The following ALG5 variants were observed in gnomAD, a reference collection of about 807,000 sequenced individuals.
The protein encoded by ALG5 is dolichyl-phosphate beta-glucosyltransferase.
Under a neutral mutation model 51.8 loss-of-function variants are expected in ALG5, and 26 were observed. That is an observed-to-expected ratio of 0.50 (90% CI 0.37 to 0.70). The LOEUF is 0.70. Ranked by LOEUF, ALG5 falls within the 30% of genes least tolerant of loss-of-function variation. The probability of loss-of-function intolerance (pLI) is 0.00; values close to 1 mark genes in which losing one functional copy is unlikely to be tolerated. For missense variants in ALG5, 311 were observed against 399.3 expected, an observed-to-expected ratio of 0.78 and a Z score of 1.88; for synonymous variants, 141 against 136.1, an observed-to-expected ratio of 1.04 and a Z score of -0.25.
At chr13:36,972,132 TTAAAAAAGTTGACA>T in intron 6 of ALG5, 96 bp from the exon 7 acceptor site, 1 of 1,030,300 alleles carries the variant, frequency 9.7e-7, no homozygotes, top group Non-Finnish European at 1.4e-6. Flanking sequence ...GAAACTGATT[TTAAAAAAGTTGACA>T]TTAAAAATCT....
At chr13:36,963,376 A>G (rs547457530) in intron 8 of ALG5, among the ~76,000 whole-genome samples, 10 of 152,346 alleles carry the variant, frequency 6.6e-5, no homozygotes, top group Non-Finnish European at 1.3e-4. Context: ...TAAGTTATCA[A>G]TCCTAACCTT....
intron 6 of ALG5, among the ~76,000 whole-genome samples, chr13:36,978,524 A>C (rs2058964700): frequency 6.6e-6 from 1 of 152,102 alleles, no homozygotes; most frequent in Admixed American, 6.5e-5. Context: ...CACACAATTT[A>C]CTGGAGAAAA....
At chr13:36,951,271 T>C (rs2058816820) in intron 9 of ALG5, among the ~76,000 whole-genome samples, 1 of 152,222 alleles carries the variant, frequency 6.6e-6, no homozygotes, top group Admixed American at 6.5e-5. Context: ...AAGTTGATCA[T>C]GATACCCCTG....
intron 8 of ALG5, among the ~76,000 whole-genome samples, chr13:36,957,674 C>T (rs140435066): frequency 2.0e-5 from 3 of 152,160 alleles, no homozygotes; most frequent in South Asian, 2.1e-4. Context: ...CCCCAAAAAG[C>T]GGGACTTAGC....
chr13:36,993,439 G>A (rs1448764691), intron 4 of ALG5, among the ~76,000 whole-genome samples, 165 bp downstream of exon 4: 1 of 152,180 alleles, frequency 6.6e-6, no homozygotes, highest in Non-Finnish European at 1.5e-5. Flanking sequence ...GTCTTATGGA[G>A]AAGTTCCATA....
intron 7 of ALG5, 24 bp downstream of exon 7, chr13:36,971,953 C>T (rs1156497068): frequency 6.3e-6 from 10 of 1,581,428 alleles, no homozygotes; most frequent in Non-Finnish European, 7.8e-6. Context: ...ATTGGCTGTC[C>T]CATGCCAATT....
At position 36,989,534 on chromosome 13, in the gene ALG5, G is replaced by T; in HGVS notation, c.397C>A (p.Arg133Ser). ...CGATTCTTCACCAGGGTTATCACAC[G>T]TACTTTGTCACTTCCATATTTCTGG... ...YCQKYGSDKV[R>S]VITLVKNRGK... is the part of the protein sequence containing the mutation. Residue 133 changes from arginine to serine, a missense_variant, in exon 5 of 10, where the codon CGT becomes AGT. Transcript: ENST00000239891. 1 of 1,612,666 alleles carries T rather than the reference G, an allele frequency of 6.2e-7. No homozygotes were observed. The highest frequency in any genetic ancestry group is 8.5e-7 in the Non-Finnish European group (1 of 1,179,198).
At chr13:36,990,321 T>C (rs1293729973) in intron 4 of ALG5, among the ~76,000 whole-genome samples, 1 of 152,240 alleles carries the variant, frequency 6.6e-6, no homozygotes, top group African/African-American at 2.4e-5. Flanking sequence ...CCCGTTTCCT[T>C]GTAACCTTAG....
At chr13:36,981,162 C>G (rs2058977624) in intron 6 of ALG5, among the ~76,000 whole-genome samples, 2 of 151,784 alleles carry the variant, frequency 1.3e-5, no homozygotes, top group South Asian at 4.2e-4. Context: ...ATCATCAGAA[C>G]CAGAACATGT....
At chr13:36,955,686 G>GAAAAAAAAAAAAAAAAAAAAAAAAAA (rs35130767) in intron 8 of ALG5, among the ~76,000 whole-genome samples, 3 of 36,496 alleles carry the variant, frequency 8.2e-5, no homozygotes, top group Non-Finnish European at 2.1e-4. Flanking sequence ...CAGAGATTGT[G>GAAAAAAAAAAAAAAAAAAAAAAAAAA]AAAAAAAAAA....
Position 36,998,943 on chromosome 13 carries a change from G to T in ALG5, c.66+292C>A, listed in dbSNP as rs2059067732. On this transcript the variant is annotated intron_variant, in intron 1 of 9. Coordinates refer to ENST00000239891, the MANE Select transcript of ALG5 (RefSeq NM_013338.5). ...GAGGAGGTGGGTAGGGGGCGCGGGCGCCAGGGGCGATGGAAGCGGCGATGA... is the reference window on the plus strand; with the variant it reads ...GAGGAGGTGGGTAGGGGGCGCGGGCTCCAGGGGCGATGGAAGCGGCGATGA... 5 of 314,456 alleles carry T rather than the reference G, an allele frequency of 1.6e-5. No individual in the cohort carries two copies. The South Asian group carries it at 5.0e-4, about 32-fold the overall frequency. The allele number at this position is 314,456 out of a possible 1,614,324, so 19.5% of individuals were successfully genotyped here.
chr13:36,981,638 G>A (rs1057067663), intron 6 of ALG5, among the ~76,000 whole-genome samples: 6 of 152,140 alleles, frequency 3.9e-5, no homozygotes, highest in African/African-American at 1.4e-4. Flanking sequence ...ATCCACACCA[G>A]TATAGAGATG....
chr13:36,962,318 T>C (rs2058871163), intron 8 of ALG5, among the ~76,000 whole-genome samples: 1 of 152,194 alleles, frequency 6.6e-6, no homozygotes, highest in South Asian at 2.1e-4. Context: ...CAAAGATGTT[T>C]AAATAAAAAC....
chr13:36,995,117 G>C lies in ALG5; in HGVS notation c.239-82C>G, dbSNP rs2059043136. 6 of 1,234,236 alleles carry C rather than the reference G, an allele frequency of 4.9e-6. No individual in the cohort carries two copies. The South Asian group carries it at 7.6e-5, about 16-fold the overall frequency. 76.5% of individuals were successfully genotyped at this position (1,234,236 alleles called of 1,614,324 possible). ...ACATTCAGCTTACATACAGAAAAAA[G>C]TCCCAATAATCTAACAAGCCCCTCT... On this transcript the variant is annotated intron_variant, in intron 2 of 9. Coordinates refer to ENST00000239891, the MANE Select transcript of ALG5 (RefSeq NM_013338.5).
At chr13:36,972,075 T>C (rs1251275420) in intron 6 of ALG5, 39 bp from the exon 7 acceptor site, 1 of 1,394,000 alleles carries the variant, frequency 7.2e-7, no homozygotes, top group South Asian at 1.3e-5. Flanking sequence ...AATATTTAAA[T>C]ATCACTAATA....
intron 8 of ALG5, among the ~76,000 whole-genome samples, chr13:36,954,639 A>T (rs2058832237): frequency 1.3e-5 from 2 of 152,258 alleles, no homozygotes; most frequent in South Asian, 2.1e-4. Context: ...ACTTCTATAC[A>T]GAGCCTTATG....
intron 1 of ALG5, among the ~76,000 whole-genome samples, chr13:36,998,566 C>T (rs1378261237): frequency 6.6e-6 from 1 of 152,152 alleles, no homozygotes; most frequent in Non-Finnish European, 1.5e-5. Context: ...TTTTGTGTTT[C>T]GAGAGCAAGG....
intron 7 of ALG5, among the ~76,000 whole-genome samples, chr13:36,970,113 T>G (rs965596640): frequency 6.6e-6 from 1 of 150,930 alleles, no homozygotes; most frequent in African/African-American, 2.4e-5. Flanking sequence ...GTGCTGAAGA[T>G]CTTAGACACA....
chr13:36,967,201 T>C (rs1368077561), intron 7 of ALG5, among the ~76,000 whole-genome samples: 4 of 140,788 alleles, frequency 2.8e-5, no homozygotes, highest in Non-Finnish European at 6.0e-5. Flanking sequence ...CCAGCCTGGG[T>C]GACAGAGTGA....
Sources: allele counts gnomAD v4.1 joint callset (sites outside exome capture counted in the v4.1 genomes callset), GRCh38; gene constraint gnomAD v4.1.1; transcripts MANE v1.5; gene names NCBI Gene and HGNC (gene_info 2026-07-23, HGNC 2026-07-21).